BRD1: variants seen among roughly 807,000 people sequenced by gnomAD.
The protein encoded by BRD1 is bromodomain containing 1.
Under a neutral mutation model 107.7 loss-of-function variants are expected in BRD1, and 24 were observed. The observed-to-expected ratio is 0.22, with a 90% confidence interval of 0.16 to 0.31. The LOEUF (loss-of-function observed/expected upper bound fraction) is 0.31. Ranked by LOEUF, BRD1 falls within the 10% of genes least tolerant of loss-of-function variation. The probability of loss-of-function intolerance (pLI) is 1.00; values close to 1 mark genes in which losing one functional copy is unlikely to be tolerated. For synonymous variants in BRD1, 744 were observed against 686.1 expected, an observed-to-expected ratio of 1.08 and a Z score of -1.32; for missense variants, 1,279 against 1,638.6, an observed-to-expected ratio of 0.78 and a Z score of 3.79.
intron 7 of BRD1, among the ~76,000 whole-genome samples, chr22:49,790,369 G>C (rs377369689): frequency 2.0e-5 from 3 of 152,338 alleles, no homozygotes; most frequent in East Asian, 1.9e-4. Flanking sequence ...CACTGACTCT[G>C]GGCCATCTCA....
intron 9 of BRD1, among the ~76,000 whole-genome samples, 157 bp from the exon 10 acceptor site, chr22:49,777,318 G>C (rs1045973896): frequency 6.6e-6 from 1 of 152,254 alleles, no homozygotes; most frequent in East Asian, 1.9e-4. Context: ...TCTGGAGGGA[G>C]TGAACCTGTG....
chr22:49,810,400 T>C (rs563233681), intron 2 of BRD1, among the ~76,000 whole-genome samples: 1 of 152,230 alleles, frequency 6.6e-6, no homozygotes, highest in Admixed American at 6.5e-5. Context: ...AAAACTCCTA[T>C]TAAAAGACCC....
chr22:49,785,323 C>A (rs1944393741), intron 8 of BRD1, among the ~76,000 whole-genome samples: 1 of 152,256 alleles, frequency 6.6e-6, no homozygotes, highest in South Asian at 2.1e-4. Flanking sequence ...CAAACCCCAG[C>A]CCCACGGCCG....
chr22:49,814,805 T>C (rs2059919053), intron 2 of BRD1, among the ~76,000 whole-genome samples: 2 of 152,194 alleles, frequency 1.3e-5, no homozygotes. Context: ...TCCCCAGTAG[T>C]AAAGAAAACT....
intron 2 of BRD1, among the ~76,000 whole-genome samples, chr22:49,804,837 C>T (rs754444215): frequency 4.0e-4 from 61 of 151,940 alleles, no homozygotes; most frequent in South Asian, 4.2e-4. Context: ...GGTGACAGAG[C>T]GAGATTCTGA....
chr22:49,777,878 G>T, intron 8 of BRD1, 65 bp from the exon 9 acceptor site: 1 of 1,521,122 alleles, frequency 6.6e-7, no homozygotes, highest in Non-Finnish European at 8.8e-7. Flanking sequence ...ATGACTCAAC[G>T]ACGTTACACT....
rs532084776 is a variant in BRD1, at chr22:49,787,302, C to G, written c.2857+88G>C. On this transcript the variant is annotated intron_variant, in intron 8 of 12. Transcript: ENST00000404760. ...GCTGCAAAAACAGAAGCTGGACACC[C>G]CCCCCCCCCCGTCACACCAATGATC... 114 of 750,970 alleles carry G rather than the reference C, an allele frequency of 1.5e-4. 5 individuals carry two copies. In the Admixed American group the frequency reaches 1.6e-3, roughly 11 times the overall value. 46.5% of individuals were successfully genotyped at this position (750,970 alleles called of 1,614,324 possible).
At chr22:49,821,214 C>T (rs2060059970) in intron 2 of BRD1, among the ~76,000 whole-genome samples, 1 of 152,340 alleles carries the variant, frequency 6.6e-6, no homozygotes, top group South Asian at 2.1e-4. Context: ...CCGGCCTCTC[C>T]CAGAGCAGGT....
chr22:49,799,638 G>A (rs534098764), intron 3 of BRD1, among the ~76,000 whole-genome samples: 10 of 152,200 alleles, frequency 6.6e-5, no homozygotes, highest in Non-Finnish European at 1.3e-4. Context: ...CCTGCACAGC[G>A]CCTCCATCCC....
Position 49,783,284 on chromosome 22 carries a change from A to G in BRD1, c.2857+4106T>C, listed in dbSNP as rs142483020. Among the ~76,000 whole-genome samples, 206 of 152,392 alleles carry G rather than the reference A, an allele frequency of 1.4e-3. 1 individual carries two copies. The highest frequency in any genetic ancestry group is 8.8e-4 in the Non-Finnish European group (60 of 68,044). ...GGGGCACTCAGCGTGGTGACCAGCA[A>G]GAGACAAACAGCAGCACTGCTCAAG... On this transcript the variant is annotated intron_variant, in intron 8 of 12. Coordinates refer to ENST00000404760, the MANE Select transcript of BRD1 (RefSeq NM_001304808.3). The surrounding 1 kb of genome is among the most constrained non-coding windows in gnomAD (Gnocchi z 4.2).
Position 49,787,631 on chromosome 22 carries a change from C to G in BRD1, c.2616G>C (p.Glu872Asp). 6.4e-7 allele frequency: 1 copy of G among 1,550,948 alleles called. No individual in the cohort carries two copies. Among genetic ancestry groups the G allele is most frequent in the Non-Finnish European group, 8.7e-7 (1 of 1,147,100 alleles). Reference sequence around the variant, plus strand: ...TGCGTCTGTTTACATCGCTTGCTGGCTCCGCCACCGCGGAGGCCGCCGCCG... The same window carrying G: ...TGCGTCTGTTTACATCGCTTGCTGGGTCCGCCACCGCGGAGGCCGCCGCCG... ...VPAAAASAVA[E>D]PASDVNRRTS... is the part of the protein sequence containing the mutation. The change falls in exon 8 of 13, where the codon GAG becomes GAC. Residue 872 changes from glutamate (E) to aspartate (D), a missense_variant. Coordinates refer to ENST00000404760, the MANE Select transcript of BRD1 (RefSeq NM_001304808.3).
intron 3 of BRD1, 126 bp downstream of exon 3, chr22:49,804,078 G>A (rs1055941800): frequency 2.7e-5 from 21 of 777,738 alleles, no homozygotes; most frequent in Admixed American, 7.4e-5. Flanking sequence ...TGGACGAGAC[G>A]GAGGCTTCCC....
intron 2 of BRD1, among the ~76,000 whole-genome samples, chr22:49,812,886 CACCAAGG>C (rs2059877785): frequency 6.6e-6 from 1 of 151,310 alleles, no homozygotes; most frequent in Non-Finnish European, 1.5e-5. Context: ...TACACGGACG[CACCAAGG>C]ACCTCACACG....
In BRD1 at chr22:49,798,115, T is replaced by C. The variant is rs140114872; in HGVS notation, c.1788A>G (p.Val596=). Residue 596 remains valine, a splice_region_variant and synonymous_variant, in exon 6 of 13, where the codon GTA becomes GTG. Transcript: ENST00000404760. The part of the protein sequence containing the change: ...IFAQPVSLKE[V]PDYLDHIKHP... ...GTTTAATGTGATCCAAATAATCTGG[T>C]ACCTAATTTTAGGGAGGAAAAAGAA... The C allele has an allele frequency of 1.3e-6, 2 of 1,597,156 alleles. No individual in the cohort carries two copies. The highest frequency in any genetic ancestry group is 1.7e-6 in the Non-Finnish European group (2 of 1,169,156).
intron 2 of BRD1, among the ~76,000 whole-genome samples, chr22:49,812,641 T>C (rs1427154692): frequency 1.3e-5 from 2 of 152,334 alleles, no homozygotes; most frequent in East Asian, 3.9e-4. Flanking sequence ...ATTAACAGTG[T>C]AATTAACGGT....
chr22:49,822,303 T>G (rs970791808), intron 2 of BRD1, among the ~76,000 whole-genome samples: 10 of 151,670 alleles, frequency 6.6e-5, no homozygotes, highest in African/African-American at 2.4e-4. Context: ...CACACGCCTG[T>G]AGTCCCAGCT....
At chr22:49,793,961 G>T in intron 7 of BRD1, 73 bp downstream of exon 7, 1 of 1,545,702 alleles carries the variant, frequency 6.5e-7, no homozygotes, top group Non-Finnish European at 8.7e-7. Context: ...CCGTGTCTGG[G>T]TCTGTGCCTG....
At chr22:49,794,493 G>A (rs2059494043) in intron 6 of BRD1, among the ~76,000 whole-genome samples, 199 bp from the exon 7 acceptor site, 1 of 152,206 alleles carries the variant, frequency 6.6e-6, no homozygotes. Context: ...AACACACTGG[G>A]ATGCTCCTGA....
chr22:49,813,657 C>A (rs1247399518), intron 2 of BRD1, among the ~76,000 whole-genome samples: 2 of 151,672 alleles, frequency 1.3e-5, no homozygotes, highest in Non-Finnish European at 2.9e-5. Flanking sequence ...CACGGCGAAA[C>A]CCCATCTCTA....
Sources: allele counts gnomAD v4.1 joint callset (sites outside exome capture counted in the v4.1 genomes callset), GRCh38; gene constraint gnomAD v4.1.1; non-coding constraint Gnocchi (gnomAD v3.1); transcripts MANE v1.5; gene names NCBI Gene and HGNC (gene_info 2026-07-23, HGNC 2026-07-21).